FAM13A: variants seen among roughly 807,000 people sequenced by gnomAD.
FAM13A encodes protein FAM13A.
In FAM13A, 76 loss-of-function variants were observed where a neutral mutation model predicts 129.6. The ratio of observed to expected loss-of-function variants is 0.59; its 90% CI spans 0.49 to 0.71. FAM13A has a LOEUF of 0.71. Ranked by LOEUF, FAM13A falls within the 30% of genes least tolerant of loss-of-function variation. The pLI is 0.00. For missense variants in FAM13A, 1,108 were observed against 1,249.3 expected, an observed-to-expected ratio of 0.89 and a Z score of 1.70; for synonymous variants, 443 against 449.9, an observed-to-expected ratio of 0.98 and a Z score of 0.20.
intron 3 of FAM13A, among the ~76,000 whole-genome samples, chr4:89,002,937 T>A (rs1764453267): frequency 6.6e-6 from 1 of 151,576 alleles, no homozygotes; most frequent in East Asian, 1.9e-4. Context: ...GGCAGGAAAA[T>A]AAATGAGGAA....
At chr4:88,756,360 C>T (rs1042471519) in intron 14 of FAM13A, among the ~76,000 whole-genome samples, 3 of 152,142 alleles carry the variant, frequency 2.0e-5, no homozygotes, top group Non-Finnish European at 4.4e-5. Flanking sequence ...TGATACTGAG[C>T]CCCAGAAGCC....
At chr4:88,772,026 C>A (rs1454997722) in intron 11 of FAM13A, among the ~76,000 whole-genome samples, 1 of 152,140 alleles carries the variant, frequency 6.6e-6, no homozygotes, top group Non-Finnish European at 1.5e-5. Flanking sequence ...CCTGTTTGAC[C>A]ACTGACTGAA....
At chr4:88,884,903 G>A (rs1231585334) in intron 6 of FAM13A, among the ~76,000 whole-genome samples, 2 of 151,980 alleles carry the variant, frequency 1.3e-5, no homozygotes, top group African/African-American at 2.4e-5. Context: ...TAGAATAGCT[G>A]TAAAAAAATA....
intron 10 of FAM13A, among the ~76,000 whole-genome samples, chr4:88,784,153 T>C (rs1723513679): frequency 6.6e-6 from 1 of 152,212 alleles, no homozygotes; most frequent in South Asian, 2.1e-4. Context: ...ACAAATCCTG[T>C]CTCCTCCGAG....
chr4:88,823,032 T>C (rs753306153), intron 7 of FAM13A: 1 of 1,613,508 alleles, frequency 6.2e-7, no homozygotes, highest in South Asian at 1.1e-5. Context: ...CAAGGGAATC[T>C]CACAACTGTC....
intron 19 of FAM13A, among the ~76,000 whole-genome samples, chr4:88,745,190 ACAT>A (rs1338100139): frequency 6.6e-6 from 1 of 152,150 alleles, no homozygotes; most frequent in Non-Finnish European, 1.5e-5. Flanking sequence ...TGTGTCTGTA[ACAT>A]CATTTAATCT....
At chr4:88,788,235 T>A (rs1032308858) in intron 9 of FAM13A, among the ~76,000 whole-genome samples, 1 of 152,082 alleles carries the variant, frequency 6.6e-6, no homozygotes, top group Non-Finnish European at 1.5e-5. Flanking sequence ...CAGGGGTCAA[T>A]CAATATAAGG....
chr4:88,867,846 G>C (rs1243613973), intron 6 of FAM13A, among the ~76,000 whole-genome samples: 1 of 152,150 alleles, frequency 6.6e-6, no homozygotes, highest in Non-Finnish European at 1.5e-5. Context: ...GGGTATGTAG[G>C]GGGAGAAAAA....
chr4:88,764,257 A>T (rs1415890113), intron 13 of FAM13A, among the ~76,000 whole-genome samples: 4 of 152,118 alleles, frequency 2.6e-5, no homozygotes, highest in African/African-American at 4.8e-5. Context: ...AGCTCTCTTA[A>T]GCAGTAGGCT....
intron 4 of FAM13A, among the ~76,000 whole-genome samples, chr4:88,967,473 G>C (rs1579542392): frequency 6.6e-6 from 1 of 152,140 alleles, no homozygotes; most frequent in East Asian, 1.9e-4. Flanking sequence ...TCGTTTATGA[G>C]CACGTTTATT....
Position 88,768,075 on chromosome 4 carries a change from T to C in FAM13A, c.1459-16A>G, listed in dbSNP as rs1433926666. 1.3e-6 allele frequency: 2 copies of C among 1,523,782 alleles called. No homozygotes were observed. Among genetic ancestry groups the C allele is most frequent in the Non-Finnish European group, 9.1e-7 (1 of 1,099,612 alleles). The allele number at this position is 1,523,782 out of a possible 1,614,324, so 94.4% of individuals were successfully genotyped here. ...TTTCCATATTCTGTAACAGAACCAT[T>C]ATTGGTTGCCTAATAGGAATGGTAA... is the stretch of plus-strand genomic sequence containing the variant. On this transcript the variant is annotated splice_polypyrimidine_tract_variant and intron_variant, in intron 11 of 23. Transcript: ENST00000264344.
chr4:88,836,939 G>A (rs373344667), intron 7 of FAM13A, among the ~76,000 whole-genome samples: 5 of 151,142 alleles, frequency 3.3e-5, no homozygotes, highest in South Asian at 2.1e-4. Flanking sequence ...CAGCCTTGGC[G>A]ACAGAGTGAA....
chr4:89,036,066 A>G (rs1272003067), intron 1 of FAM13A, among the ~76,000 whole-genome samples: 1 of 152,230 alleles, frequency 6.6e-6, no homozygotes, highest in Non-Finnish European at 1.5e-5. Flanking sequence ...AAAATGTGAA[A>G]GCAGCTTTGG....
In FAM13A at chr4:88,906,415, T is replaced by A. The variant is rs763092958; in HGVS notation, c.807A>T (p.Leu269Phe). The A allele has an allele frequency of 9.9e-6, 16 of 1,612,288 alleles. No homozygotes were observed. The South Asian group carries it at 1.8e-4, about 18-fold the overall frequency. The change falls in exon 6 of 24, where the codon TTA (leucine) becomes TTT (phenylalanine). Residue 269 changes from leucine to phenylalanine, a missense_variant. By Grantham distance (22) the Leu-to-Phe change is conservative. Coordinates refer to ENST00000264344, the MANE Select transcript of FAM13A (RefSeq NM_014883.4). Reference sequence around the variant, plus strand: ...GAGGTGGTTTTGGCATGTCTCTTTCTAAGCCTCTTGTTAAAAGGATGGGCA... The same window carrying A: ...GAGGTGGTTTTGGCATGTCTCTTTCAAAGCCTCTTGTTAAAAGGATGGGCA... ...NSLPILLTRG[L>F]ERDMPKPPPK...
intron 21 of FAM13A, among the ~76,000 whole-genome samples, chr4:88,733,713 A>C (rs1383122384): frequency 6.6e-6 from 1 of 152,228 alleles, no homozygotes; most frequent in Admixed American, 6.5e-5. Context: ...CAATGCTTGC[A>C]TATGGCCAAT....
rs1742200512 is a variant in FAM13A at position 88,749,912 on chromosome 4, G to A, written c.1941-3C>T. 3.7e-6 allele frequency: 6 copies of A among 1,613,218 alleles called. No individual in the cohort carries two copies. The highest frequency in any genetic ancestry group is 1.1e-5 in the South Asian group (1 of 91,004). ...ACCCCAGAGAGGAGCTTCGCCGCCT[G>A]TGAAGAGTACGACTTGGGTCAGTTT... On this transcript the variant is annotated splice_polypyrimidine_tract_variant and splice_region_variant and intron_variant, in intron 15 of 23. Transcript: ENST00000264344.
In FAM13A at chr4:88,988,978, C is replaced by T. The variant is rs921558014; in HGVS notation, c.605+1995G>A. ...ATCCCAGCACTTTGGGAGGCGGAGG[C>T]GGGAGGATCACTCGAGGTCAGGAGT... On this transcript the variant is annotated intron_variant, in intron 4 of 23. Coordinates refer to ENST00000264344, the MANE Select transcript of FAM13A (RefSeq NM_014883.4). Among the ~76,000 whole-genome samples the T allele has an allele frequency of 3.4e-4, 51 of 151,930 alleles. 1 individual carries two copies. The highest frequency in any genetic ancestry group is 3.2e-3 in the Middle Eastern group (1 of 316).
chr4:89,037,817 C>T (rs1769588515), intron 1 of FAM13A, among the ~76,000 whole-genome samples: 1 of 152,132 alleles, frequency 6.6e-6, no homozygotes, highest in Admixed American at 6.5e-5. Flanking sequence ...CTCCCTCTTT[C>T]CTCTCTTCCT....
At position 88,751,198 on chromosome 4, in the gene FAM13A, C is replaced by T. The variant is rs148818901; in HGVS notation, c.1727-561G>A. Among the ~76,000 whole-genome samples the T allele has an allele frequency of 4.4e-3, 666 of 152,148 alleles. 10 individuals are homozygous for T. Among genetic ancestry groups the T allele is most frequent in the African/African-American group, 0.015 (625 of 41,496 alleles). ...TGGAGTTTGCAATGAGCAGAGATTGCGCCACTGCACTCCAGCCTGGGCGAC... is the reference window on the plus strand; with the variant it reads ...TGGAGTTTGCAATGAGCAGAGATTGTGCCACTGCACTCCAGCCTGGGCGAC... On this transcript the variant is annotated intron_variant, in intron 14 of 23. Transcript: ENST00000264344.
Sources: gnomAD v4.1 joint callset for allele counts (sites outside exome capture counted in the v4.1 genomes callset) on GRCh38, gnomAD v4.1.1 for gene constraint, MANE v1.5 for transcripts, NCBI Gene and HGNC (gene_info 2026-07-23, HGNC 2026-07-21) for gene names.